SLC8A3: variants seen among roughly 807,000 people sequenced by gnomAD.
SLC8A3 encodes the protein sodium/calcium exchanger 3.
SLC8A3 carries 37 observed loss-of-function variants against 65.4 expected under a neutral mutation model. That is an observed-to-expected ratio of 0.57 (90% CI 0.44 to 0.74). The LOEUF is 0.74. Among genes scored for constraint, SLC8A3 ranks in the 30% least tolerant of loss-of-function variants. SLC8A3 has a pLI of 0.00. For synonymous variants in SLC8A3, 461 were observed against 444.5 expected, an observed-to-expected ratio of 1.04 and a Z score of -0.47; for missense variants, 1,112 against 1,172.1, an observed-to-expected ratio of 0.95 and a Z score of 0.75.
At chr14:70,185,913 T>A (rs1040598214) in intron 1 of SLC8A3, among the ~76,000 whole-genome samples, 2 of 152,220 alleles carry the variant, frequency 1.3e-5, no homozygotes, top group African/African-American at 4.8e-5. Context: ...ACAGAGTAGG[T>A]GGCTGTTGAA....
chr14:70,047,023 C>T (rs994193038), intron 6 of SLC8A3: 1 of 152,174 alleles, frequency 6.6e-6, no homozygotes, highest in African/African-American at 2.4e-5. Flanking sequence ...AGAATTTACC[C>T]AAGGTCACAT....
In SLC8A3 at chr14:70,128,810, C is replaced by T. The variant is rs998967133; in HGVS notation, c.1784+37829G>A. On this transcript the variant is annotated intron_variant, in intron 2 of 6. Transcript: ENST00000356921. ...ATTTTAGCTCTTACCTTCTGCCTTC[C>T]ATGATAGGTGTAGGTATAAAAGTTT... Among the ~76,000 whole-genome samples the T allele has an allele frequency of 3.0e-4, 46 of 152,210 alleles. 1 individual carries two copies. The highest frequency in any genetic ancestry group is 9.8e-4 in the Admixed American group (15 of 15,284).
At chr14:70,142,085 T>C (rs1282007216) in intron 2 of SLC8A3, among the ~76,000 whole-genome samples, 1 of 152,132 alleles carries the variant, frequency 6.6e-6, no homozygotes, top group African/African-American at 2.4e-5. Context: ...TGCAGCCCCA[T>C]GTGAGCCAGG....
chr14:70,171,057 A>G (rs926826629), intron 1 of SLC8A3, among the ~76,000 whole-genome samples: 1 of 152,222 alleles, frequency 6.6e-6, no homozygotes, highest in African/African-American at 2.4e-5. Context: ...TGGAGAGAAA[A>G]GGACCTTGGC....
Position 70,167,092 on chromosome 14 carries a change from G to C in SLC8A3, c.1331C>G (p.Ala444Gly), listed in dbSNP as rs1033123764. 7 of 1,613,924 alleles carry C rather than the reference G, an allele frequency of 4.3e-6. No homozygotes were observed. The highest frequency in any genetic ancestry group is 5.1e-6 in the Non-Finnish European group (6 of 1,180,028). Residue 444 changes from alanine (A) to glycine (G), a missense_variant, in exon 2 of 7, where the codon GCT becomes GGT. Physicochemically the swap from Ala to Gly is moderately conservative, Grantham distance 60 (BLOSUM62 0). Coordinates refer to ENST00000356921, the MANE Select transcript of SLC8A3 (RefSeq NM_182932.3). ...CGTGCCCTCTGTGAACTCATAGTCA[G>C]CCCCTGCATTGGCAGAACCATCCTC... ...KTEDGSANAG[A>G]DYEFTEGTVV...
At chr14:70,158,194 G>A (rs1461696407) in intron 2 of SLC8A3, among the ~76,000 whole-genome samples, 1 of 152,210 alleles carries the variant, frequency 6.6e-6, no homozygotes, top group African/African-American at 2.4e-5. Context: ...TAAGAAAATA[G>A]TGTACAAACA....
At chr14:70,105,142 AC>A (rs1161418921) in intron 2 of SLC8A3, among the ~76,000 whole-genome samples, 3 of 152,164 alleles carry the variant, frequency 2.0e-5, no homozygotes, top group African/African-American at 7.2e-5. Context: ...ATCCTGGCTA[AC>A]GTGGTGAAAC....
chr14:70,065,686 C>T (rs1365483539), intron 2 of SLC8A3, among the ~76,000 whole-genome samples: 4 of 152,176 alleles, frequency 2.6e-5, no homozygotes, highest in Admixed American at 6.5e-5. Context: ...TTAAAAGTTT[C>T]ATAAATAGCA....
chr14:70,070,220 T>C, intron 2 of SLC8A3, among the ~76,000 whole-genome samples: 1 of 152,240 alleles, frequency 6.6e-6, no homozygotes, highest in Non-Finnish European at 1.5e-5. Context: ...ATAGTGCTTA[T>C]TTTGTGCTAG....
intron 2 of SLC8A3, among the ~76,000 whole-genome samples, chr14:70,119,884 C>T (rs544798079): frequency 1.1e-3 from 170 of 152,334 alleles, no homozygotes; most frequent in South Asian, 1.9e-3. Flanking sequence ...GATTCAGGCT[C>T]CCCTTCCAAG....
intron 2 of SLC8A3, among the ~76,000 whole-genome samples, chr14:70,157,805 C>CA (rs1348774391): frequency 6.6e-6 from 1 of 152,182 alleles, no homozygotes; most frequent in Non-Finnish European, 1.5e-5. Context: ...ATAGTGAAGG[C>CA]AAAAAGAGCA....
intron 2 of SLC8A3, among the ~76,000 whole-genome samples, chr14:70,062,963 C>T (rs1024287349): frequency 2.6e-5 from 4 of 152,094 alleles, no homozygotes; most frequent in Non-Finnish European, 5.9e-5. Flanking sequence ...GCTCCCTGCT[C>T]CACAGTATGA....
At chr14:70,183,892 T>C (rs1283430218) in intron 1 of SLC8A3, among the ~76,000 whole-genome samples, 1 of 152,220 alleles carries the variant, frequency 6.6e-6, no homozygotes, top group Non-Finnish European at 1.5e-5. Context: ...CACTGCAACC[T>C]TGGCATTATC....
At chr14:70,187,599 C>CTGTGTGTGTGTGTGTG (rs3053393) in intron 1 of SLC8A3, among the ~76,000 whole-genome samples, 25 of 118,204 alleles carry the variant, frequency 2.1e-4, no homozygotes, top group Non-Finnish European at 3.5e-4. Context: ...AGGGCTTTGA[C>CTGTGTGTGTGTGTGTG]TGTGTGTGTG....
At chr14:70,119,737 A>T (rs1199268580) in intron 2 of SLC8A3, among the ~76,000 whole-genome samples, 1 of 152,224 alleles carries the variant, frequency 6.6e-6, no homozygotes. Flanking sequence ...TCTACCATCA[A>T]CTTTTTCATC....
chr14:70,067,606 A>C (rs1286775998), intron 2 of SLC8A3, among the ~76,000 whole-genome samples: 1 of 152,134 alleles, frequency 6.6e-6, no homozygotes, highest in East Asian at 1.9e-4. Context: ...AAATGAATCC[A>C]CTCATCTTTT....
At chr14:70,140,977 A>G (rs1895531576) in intron 2 of SLC8A3, among the ~76,000 whole-genome samples, 1 of 152,238 alleles carries the variant, frequency 6.6e-6, no homozygotes, top group Non-Finnish European at 1.5e-5. Context: ...GTAGAGACTT[A>G]GTTAAATCAA....
chr14:70,100,523 A>G (rs2140104305), intron 2 of SLC8A3, among the ~76,000 whole-genome samples: 1 of 152,356 alleles, frequency 6.6e-6, no homozygotes, highest in Admixed American at 6.5e-5. Flanking sequence ...TTTAGATTTT[A>G]ACAGGGATAG....
upstream of SLC8A3, among the ~76,000 whole-genome samples, chr14:70,189,285 G>A (rs192909887): frequency 1.3e-3 from 198 of 152,232 alleles, no homozygotes; most frequent in Non-Finnish European, 1.4e-3. Flanking sequence ...CCGGCAGCAC[G>A]TCAAAACGGC....
Sources: gnomAD v4.1 joint callset for allele counts (sites outside exome capture counted in the v4.1 genomes callset) on GRCh38, gnomAD v4.1.1 for gene constraint, MANE v1.5 for transcripts, NCBI Gene and HGNC (gene_info 2026-07-23, HGNC 2026-07-21) for gene names.